DCC: variants seen among roughly 807,000 people sequenced by gnomAD.
The protein encoded by DCC is netrin receptor DCC.
DCC carries 58 observed loss-of-function variants against 172.5 expected under a neutral mutation model. The ratio of observed to expected loss-of-function variants is 0.34; its 90% CI spans 0.27 to 0.42. DCC has a LOEUF of 0.42. DCC is among the 10% of genes least tolerant of loss of function. The pLI, the probability that DCC is intolerant of heterozygous loss-of-function variation, is 1.00. For synonymous variants in DCC, 709 were observed against 644.5 expected, an observed-to-expected ratio of 1.10 and a Z score of -1.52; for missense variants, 1,740 against 1,791.0, an observed-to-expected ratio of 0.97 and a Z score of 0.51.
intron 12 of DCC, among the ~76,000 whole-genome samples, chr18:53,301,294 G>A (rs1303540004): frequency 6.6e-6 from 1 of 151,792 alleles, no homozygotes; most frequent in African/African-American, 2.4e-5. Flanking sequence ...TCTCCATGCT[G>A]GTCAGGCTGG....
At chr18:52,644,766 A>G (rs2034979609) in intron 1 of DCC, among the ~76,000 whole-genome samples, 1 of 119,152 alleles carries the variant, frequency 8.4e-6, no homozygotes, top group Admixed American at 9.2e-5. Context: ...GAAAGAGAGA[A>G]GGAAGAAAGG....
intron 2 of DCC, among the ~76,000 whole-genome samples, chr18:52,761,419 G>C (rs2037158314): frequency 6.6e-6 from 1 of 152,156 alleles, no homozygotes; most frequent in African/African-American, 2.4e-5. Flanking sequence ...TTATTTGGTA[G>C]AGGTAAGAGA....
intron 1 of DCC, among the ~76,000 whole-genome samples, chr18:52,476,470 C>G (rs978385595): frequency 3.9e-5 from 6 of 152,292 alleles, no homozygotes; most frequent in African/African-American, 1.4e-4. Context: ...CAGATTATGG[C>G]AAGCTTTTCA....
At chr18:52,541,210 GT>G (rs2032437293) in intron 1 of DCC, among the ~76,000 whole-genome samples, 1 of 152,154 alleles carries the variant, frequency 6.6e-6, no homozygotes, top group Non-Finnish European at 1.5e-5. Flanking sequence ...CTAGTGCAGT[GT>G]TCCTCTTGCC....
chr18:52,399,172 C>G (rs180999373), intron 1 of DCC, among the ~76,000 whole-genome samples: 199 of 151,948 alleles, frequency 1.3e-3, no homozygotes, highest in African/African-American at 4.5e-3. Flanking sequence ...AATTAGCAAG[C>G]TCCTTCACAT....
chr18:52,998,628 C>T (rs371913113), intron 5 of DCC, among the ~76,000 whole-genome samples: 20 of 151,968 alleles, frequency 1.3e-4, no homozygotes, highest in African/African-American at 2.7e-4. Flanking sequence ...CAGTCATTCT[C>T]GTGACCAATG....
intron 7 of DCC, among the ~76,000 whole-genome samples, chr18:53,114,164 C>A (rs1333295739): frequency 6.6e-6 from 1 of 151,452 alleles, no homozygotes; most frequent in Non-Finnish European, 1.5e-5. Flanking sequence ...TGACATCCTA[C>A]CAAACAGTCA....
intron 5 of DCC, among the ~76,000 whole-genome samples, chr18:53,058,759 T>C (rs1352102874): frequency 6.6e-6 from 1 of 152,048 alleles, no homozygotes; most frequent in East Asian, 1.9e-4. Flanking sequence ...CACATACTAG[T>C]GTCAAGATAA....
At chr18:52,454,447 T>G (rs536689018) in intron 1 of DCC, among the ~76,000 whole-genome samples, 1 of 152,190 alleles carries the variant, frequency 6.6e-6, no homozygotes, top group East Asian at 1.9e-4. Flanking sequence ...GAGAATATTC[T>G]GGCAATGAGA....
At chr18:53,283,385 C>T (rs180751083) in intron 12 of DCC, among the ~76,000 whole-genome samples, 2 of 152,036 alleles carry the variant, frequency 1.3e-5, no homozygotes, top group Non-Finnish European at 2.9e-5. Flanking sequence ...TCCCCTATTT[C>T]TCTCTCTCTT....
intron 1 of DCC, among the ~76,000 whole-genome samples, chr18:52,422,761 A>C (rs73459050): frequency 1.5e-4 from 23 of 152,198 alleles, no homozygotes; most frequent in African/African-American, 4.6e-4. Flanking sequence ...TGGGTTAAGA[A>C]TTAGAGCAAC....
intron 12 of DCC, among the ~76,000 whole-genome samples, chr18:53,255,782 C>T (rs1191129922): frequency 2.0e-5 from 3 of 152,100 alleles, no homozygotes; most frequent in East Asian, 3.9e-4. Flanking sequence ...CCTGAGGAAT[C>T]GCCACACCAA....
chr18:52,748,466 C>G (rs1195955635), intron 1 of DCC, among the ~76,000 whole-genome samples: 1 of 152,226 alleles, frequency 6.6e-6, no homozygotes, highest in Admixed American at 6.5e-5. Flanking sequence ...CCATATGCAG[C>G]ACAGTGAACG....
At chr18:53,228,438 C>T (rs776550263) in intron 12 of DCC, among the ~76,000 whole-genome samples, 6 of 151,956 alleles carry the variant, frequency 3.9e-5, no homozygotes, top group Non-Finnish European at 7.4e-5. Flanking sequence ...GAGTCACTTT[C>T]TAAACACTTC....
At chr18:53,000,394 G>A (rs1489139642) in intron 5 of DCC, among the ~76,000 whole-genome samples, 9 of 151,802 alleles carry the variant, frequency 5.9e-5, no homozygotes, top group African/African-American at 1.2e-4. Flanking sequence ...TTGAAATGGC[G>A]GGGGTTGTAA....
intron 1 of DCC, among the ~76,000 whole-genome samples, chr18:52,604,486 T>C (rs1402352071): frequency 6.6e-6 from 1 of 152,172 alleles, no homozygotes; most frequent in Non-Finnish European, 1.5e-5. Flanking sequence ...CTTTTCCTCA[T>C]GTTTGAAAAG....
chr18:52,512,602 T>C (rs1787125), intron 1 of DCC, among the ~76,000 whole-genome samples: 53,989 of 152,132 alleles, frequency 0.35, 9,824 homozygotes, highest in Non-Finnish European at 0.38. Context: ...CTTGAACACC[T>C]ACTATGTGCC....
intron 1 of DCC, among the ~76,000 whole-genome samples, chr18:52,597,343 A>T (rs2033929685): frequency 6.6e-6 from 1 of 152,104 alleles, no homozygotes; most frequent in South Asian, 2.1e-4. Context: ...TGCTCACTTG[A>T]TTTCCACTAG....
chr18:52,672,436 T>TAG (rs138354521), intron 1 of DCC, among the ~76,000 whole-genome samples: 23 of 149,816 alleles, frequency 1.5e-4, no homozygotes, highest in Admixed American at 4.0e-4. Flanking sequence ...TGGAAATGGG[T>TAG]AGAGAGAGAG....
Sources: gnomAD v4.1 joint callset for allele counts (sites outside exome capture counted in the v4.1 genomes callset) on GRCh38, gnomAD v4.1.1 for gene constraint, MANE v1.5 for transcripts, NCBI Gene and HGNC (gene_info 2026-07-23, HGNC 2026-07-21) for gene names.